Variants in LTBP1 observed in about 807,000 individuals in gnomAD.
The protein encoded by LTBP1 is latent-transforming growth factor beta-binding protein 1.
LTBP1 carries 129 observed loss-of-function variants against 207.6 expected under a neutral mutation model. The ratio of observed to expected loss-of-function variants is 0.62; its 90% CI spans 0.54 to 0.72. LTBP1 has a LOEUF of 0.72. Among genes scored for constraint, LTBP1 ranks in the 30% least tolerant of loss-of-function variants. LTBP1 has a pLI of 0.00. For missense variants in LTBP1, 2,281 were observed against 2,217.2 expected (o/e 1.03, Z -0.58); for synonymous variants, 963 against 833.7 (o/e 1.16, Z -2.67).
At chr2:33,245,529 G>A (rs2092482085) in intron 10 of LTBP1, among the ~76,000 whole-genome samples, 1 of 152,172 alleles carries the variant, frequency 6.6e-6, no homozygotes, top group South Asian at 2.1e-4. Flanking sequence ...TTTACAAACA[G>A]TTCTGATCAT....
At chr2:33,000,910 G>C (rs1685989405) in intron 2 of LTBP1, among the ~76,000 whole-genome samples, 1 of 134,460 alleles carries the variant, frequency 7.4e-6, no homozygotes, top group Non-Finnish European at 1.6e-5. Flanking sequence ...TTAAGCTTCA[G>C]TGTACAATTG....
intron 2 of LTBP1, among the ~76,000 whole-genome samples, chr2:32,995,521 CCT>C (rs1685125519): frequency 6.6e-6 from 1 of 152,176 alleles, no homozygotes; most frequent in Non-Finnish European, 1.5e-5. Context: ...GTGGCTCACG[CCT>C]GTAATCCCAA....
intron 26 of LTBP1, among the ~76,000 whole-genome samples, chr2:33,358,776 A>G (rs1289835521): frequency 2.0e-5 from 3 of 152,194 alleles, no homozygotes; most frequent in Non-Finnish European, 4.4e-5. Flanking sequence ...CAGGCTGACA[A>G]TTTATTCACC....
chr2:33,003,055 G>A (rs1283570964), intron 2 of LTBP1, among the ~76,000 whole-genome samples: 1 of 152,218 alleles, frequency 6.6e-6, no homozygotes, highest in East Asian at 1.9e-4. Context: ...AGCTAGCAAT[G>A]TTGGCAGGCT....
intron 2 of LTBP1, among the ~76,000 whole-genome samples, chr2:32,965,407 A>G (rs62135703): frequency 0.05 from 7,682 of 152,216 alleles, 228 homozygotes; most frequent in Middle Eastern, 0.058. Context: ...TGGCAAATAT[A>G]TAATAACATA....
At chr2:33,247,709 C>T (rs1455320578) in intron 10 of LTBP1, among the ~76,000 whole-genome samples, 1 of 152,226 alleles carries the variant, frequency 6.6e-6, no homozygotes, top group East Asian at 1.9e-4. Context: ...ATCTGTGCCA[C>T]CTCATACAGC....
intron 5 of LTBP1, among the ~76,000 whole-genome samples, chr2:33,149,406 G>T (rs569334320): frequency 6.6e-6 from 1 of 152,058 alleles, no homozygotes; most frequent in East Asian, 1.9e-4. Context: ...TTTTGTCCAG[G>T]TCCTTGGAAA....
intron 2 of LTBP1, among the ~76,000 whole-genome samples, chr2:32,994,998 T>C (rs1277151772): frequency 1.3e-5 from 2 of 152,152 alleles, no homozygotes; most frequent in Non-Finnish European, 2.9e-5. Context: ...AAGACCAACC[T>C]GGACAACGCA....
At chr2:32,994,614 G>A (rs1215078105) in intron 2 of LTBP1, among the ~76,000 whole-genome samples, 1 of 151,994 alleles carries the variant, frequency 6.6e-6, no homozygotes, top group African/African-American at 2.4e-5. Flanking sequence ...TTACAGGCAT[G>A]TGCCACCATG....
intron 31 of LTBP1, among the ~76,000 whole-genome samples, chr2:33,385,519 C>T (rs1192980361): frequency 6.6e-6 from 1 of 152,146 alleles, no homozygotes; most frequent in African/African-American, 2.4e-5. Context: ...AGTTTCACAA[C>T]ATTATCTCAT....
At chr2:32,987,378 C>T (rs1437636675) in intron 2 of LTBP1, among the ~76,000 whole-genome samples, 1 of 152,070 alleles carries the variant, frequency 6.6e-6, no homozygotes, top group African/African-American at 2.4e-5. Flanking sequence ...TCCTTGCTTG[C>T]TGTTCATGTA....
Position 33,280,086 on chromosome 2 carries a change from G to A in LTBP1, c.3040G>A (p.Val1014Met), listed in dbSNP as rs1484463630. The A allele has an allele frequency of 6.2e-7, 1 of 1,614,144 alleles. No individual in the cohort carries two copies. Among genetic ancestry groups the A allele is most frequent in the Admixed American group, 1.7e-5 (1 of 60,020 alleles). The change falls in exon 19 of 34, where the codon GTG (valine) becomes ATG (methionine). Residue 1014 changes from valine to methionine, a missense_variant. Transcript: ENST00000404816. ...NPSTCPDEQC[V>M]NSPGSYQCVP... is the part of the protein sequence containing the mutation. ...AAGCACTTGTCCAGATGAGCAGTGT[G>A]TGAATTCTCCTGGATCTTACCAGTG...
chr2:33,116,684 G>C (rs2080764623), intron 4 of LTBP1, among the ~76,000 whole-genome samples: 1 of 151,368 alleles, frequency 6.6e-6, no homozygotes, highest in Non-Finnish European at 1.5e-5. Context: ...ATATAACTCA[G>C]GCTCTTAAAA....
At chr2:33,087,731 C>T (rs1385149404) in intron 3 of LTBP1, among the ~76,000 whole-genome samples, 2 of 152,110 alleles carry the variant, frequency 1.3e-5, no homozygotes, top group Non-Finnish European at 2.9e-5. Flanking sequence ...TATAAAGTGC[C>T]GATGGAGTTT....
chr2:33,225,892 GTTACACAAATGACAGGATTTC>G (rs1037032980), intron 9 of LTBP1, among the ~76,000 whole-genome samples: 6 of 152,170 alleles, frequency 3.9e-5, no homozygotes, highest in Admixed American at 2.6e-4. Context: ...CTCCATCCAT[GTTACACAAATGACAGGATTTC>G]ATTCATTTTT....
At chr2:33,324,017 A>G (rs113054086) in intron 24 of LTBP1, among the ~76,000 whole-genome samples, 1,572 of 152,222 alleles carry the variant, frequency 0.01, 19 homozygotes, top group African/African-American at 0.036. Context: ...AATAGCACCT[A>G]CATGGAGTTG....
chr2:33,276,719 C>T (rs754843256), intron 18 of LTBP1, among the ~76,000 whole-genome samples: 18 of 152,198 alleles, frequency 1.2e-4, no homozygotes, highest in Non-Finnish European at 2.2e-4. Flanking sequence ...GATGTGGTGG[C>T]ACACGCCTGT....
At chr2:33,354,712 AC>A (rs2094833423) in intron 26 of LTBP1, among the ~76,000 whole-genome samples, 1 of 134,872 alleles carries the variant, frequency 7.4e-6, no homozygotes, top group South Asian at 2.3e-4. Context: ...ACACACACAC[AC>A]ACACACACAC....
At chr2:33,320,981 A>G (rs548844391) in intron 24 of LTBP1, among the ~76,000 whole-genome samples, 1 of 152,312 alleles carries the variant, frequency 6.6e-6, no homozygotes, top group African/African-American at 2.4e-5. Context: ...TGGAAAGGAA[A>G]AATGAAAACC....
Sources: allele counts gnomAD v4.1 joint callset (sites outside exome capture counted in the v4.1 genomes callset), GRCh38; gene constraint gnomAD v4.1.1; transcripts MANE v1.5; gene names NCBI Gene and HGNC (gene_info 2026-07-23, HGNC 2026-07-21).